Variants in SGK1 observed in about 807,000 individuals in gnomAD.
SGK1 encodes the protein serum/glucocorticoid regulated kinase 1.
SGK1 carries 26 observed loss-of-function variants against 64.2 expected under a neutral mutation model. That is an observed-to-expected ratio of 0.40 (90% CI 0.30 to 0.56). The LOEUF (loss-of-function observed/expected upper bound fraction) is 0.56. Ranked by LOEUF, SGK1 falls within the 20% of genes least tolerant of loss-of-function variation. The pLI, the probability that SGK1 is intolerant of heterozygous loss-of-function variation, is 0.38. For synonymous variants in SGK1, 265 were observed against 239.7 expected, an observed-to-expected ratio of 1.11 and a Z score of -0.98; for missense variants, 519 against 645.6, an observed-to-expected ratio of 0.80 and a Z score of 2.12.
intron 1 of SGK1, among the ~76,000 whole-genome samples, chr6:134,306,268 C>G (rs1421392746): frequency 6.6e-6 from 1 of 151,876 alleles, no homozygotes; most frequent in East Asian, 2.0e-4. Flanking sequence ...ACTAAAAATA[C>G]AAAAATTAGC....
intron 1 of SGK1, chr6:134,297,431 C>T: frequency 1.4e-6 from 1 of 697,254 alleles, no homozygotes; most frequent in Non-Finnish European, 2.6e-6. Flanking sequence ...TGGCAGTCTC[C>T]AGGGAAGCCC....
chr6:134,196,656 G>A (rs1476026739), intron 3 of SGK1, among the ~76,000 whole-genome samples: 1 of 152,100 alleles, frequency 6.6e-6, no homozygotes, highest in Non-Finnish European at 1.5e-5. Context: ...TCTGATGTGA[G>A]GTCAGTTGAC....
intron 1 of SGK1, among the ~76,000 whole-genome samples, chr6:134,311,192 C>A (rs1314586230): frequency 1.3e-5 from 2 of 152,158 alleles, no homozygotes; most frequent in Non-Finnish European, 2.9e-5. Context: ...CCACCAAAGC[C>A]TGTTTAAAGG....
At chr6:134,282,829 C>A (rs1033283333) in intron 1 of SGK1, among the ~76,000 whole-genome samples, 1 of 151,712 alleles carries the variant, frequency 6.6e-6, no homozygotes, top group African/African-American at 2.4e-5. Context: ...GCCATCTCCA[C>A]AGCTGCATGA....
At chr6:134,218,442 T>TC (rs1258334623) in intron 2 of SGK1, among the ~76,000 whole-genome samples, 11 of 148,564 alleles carry the variant, frequency 7.4e-5, no homozygotes, top group Non-Finnish European at 1.6e-4. Context: ...TTTTTCTTTT[T>TC]TTTTTTTTTT....
At chr6:134,239,826 C>T (rs1289323520) in intron 2 of SGK1, among the ~76,000 whole-genome samples, 1 of 152,142 alleles carries the variant, frequency 6.6e-6, no homozygotes, top group Non-Finnish European at 1.5e-5. Flanking sequence ...GTTGGGTCTG[C>T]CCCACATTAA....
intron 3 of SGK1, among the ~76,000 whole-genome samples, chr6:134,187,000 C>A (rs1017537784): frequency 4.6e-5 from 7 of 152,024 alleles, no homozygotes; most frequent in Admixed American, 2.0e-4. Flanking sequence ...TATTTTAGTA[C>A]AGACGGGGTT....
intron 1 of SGK1, among the ~76,000 whole-genome samples, chr6:134,289,352 G>C (rs1429153426): frequency 6.6e-6 from 1 of 152,156 alleles, no homozygotes; most frequent in South Asian, 2.1e-4. Context: ...TGTTCCCTGG[G>C]GGATAAACAG....
intron 1 of SGK1, among the ~76,000 whole-genome samples, chr6:134,264,451 T>A (rs539108119): frequency 6.6e-6 from 1 of 152,028 alleles, no homozygotes; most frequent in African/African-American, 2.4e-5. Context: ...AGCACTGAAG[T>A]GTTGTTAAGA....
chr6:134,199,441 C>T (rs1489570047), intron 3 of SGK1, among the ~76,000 whole-genome samples: 1 of 151,470 alleles, frequency 6.6e-6, no homozygotes, highest in Non-Finnish European at 1.5e-5. Flanking sequence ...TGCCTGTAAT[C>T]CCAGCTACTC....
intron 2 of SGK1, chr6:134,260,583 A>G (rs1234165975): frequency 6.6e-6 from 1 of 151,870 alleles, no homozygotes; most frequent in Non-Finnish European, 1.5e-5. Flanking sequence ...GAGGCAGAAG[A>G]ATTACTTGAA....
intron 1 of SGK1, among the ~76,000 whole-genome samples, chr6:134,281,661 G>A (rs1378043233): frequency 6.6e-6 from 1 of 151,838 alleles, no homozygotes; most frequent in African/African-American, 2.4e-5. Flanking sequence ...GGGACTACAG[G>A]TGCACCACCA....
intron 1 of SGK1, among the ~76,000 whole-genome samples, chr6:134,296,579 C>T (rs1472527724): frequency 6.6e-6 from 1 of 152,020 alleles, no homozygotes; most frequent in African/African-American, 2.4e-5. Context: ...GCCTCAGCCT[C>T]CTAAAGTGCT....
At chr6:134,310,935 G>A (rs919502278) in intron 1 of SGK1, among the ~76,000 whole-genome samples, 6 of 152,142 alleles carry the variant, frequency 3.9e-5, no homozygotes, top group African/African-American at 1.2e-4. Flanking sequence ...CAAAATAAAA[G>A]GAGATTAGTG....
intron 2 of SGK1, among the ~76,000 whole-genome samples, chr6:134,237,116 G>A (rs1166033740): frequency 6.7e-6 from 1 of 149,042 alleles, no homozygotes; most frequent in Non-Finnish European, 1.5e-5. Flanking sequence ...ATGCAGTGGC[G>A]CGATCTCAGC....
chr6:134,205,655 G>T (rs988595600), intron 3 of SGK1, among the ~76,000 whole-genome samples: 1 of 152,146 alleles, frequency 6.6e-6, no homozygotes, highest in African/African-American at 2.4e-5. Context: ...TGCGAGCTTT[G>T]GATATGTCAG....
chr6:134,199,812 G>T (rs1249768107), intron 3 of SGK1, among the ~76,000 whole-genome samples: 1 of 152,034 alleles, frequency 6.6e-6, no homozygotes, highest in Non-Finnish European at 1.5e-5. Context: ...AAACCCCAGT[G>T]GTAGAATTGT....
chr6:134,295,286 G>C (rs560204589), intron 1 of SGK1, among the ~76,000 whole-genome samples: 1 of 152,306 alleles, frequency 6.6e-6, no homozygotes, highest in African/African-American at 2.4e-5. Flanking sequence ...AGAGAGCTGA[G>C]CCAGGGCCCC....
At chr6:134,315,662 A>G (rs1172147867) in intron 1 of SGK1, among the ~76,000 whole-genome samples, 1 of 152,256 alleles carries the variant, frequency 6.6e-6, no homozygotes, top group Non-Finnish European at 1.5e-5. Context: ...CCATGAAATA[A>G]ATACAGTAAT....
Sources: gnomAD v4.1 joint callset for allele counts (sites outside exome capture counted in the v4.1 genomes callset) on GRCh38, gnomAD v4.1.1 for gene constraint, MANE v1.5 for transcripts, NCBI Gene and HGNC (gene_info 2026-07-23, HGNC 2026-07-21) for gene names.